The following TMEM132D variants were observed in gnomAD, a reference collection of about 807,000 sequenced individuals.
TMEM132D encodes mature OL transmembrane protein.
Under a neutral mutation model 62.3 loss-of-function variants are expected in TMEM132D, and 21 were observed. The observed-to-expected ratio is 0.34, with a 90% CI of 0.24 to 0.49. The LOEUF is 0.49. TMEM132D is among the 20% of genes least tolerant of loss of function. The pLI is 0.99. For missense variants in TMEM132D, 1,346 were observed against 1,402.8 expected, an observed-to-expected ratio of 0.96 and a Z score of 0.65; for synonymous variants, 621 against 575.6, an observed-to-expected ratio of 1.08 and a Z score of -1.13.
chr12:129,150,785 C>A lies in TMEM132D; in HGVS notation c.1443+58735G>T, dbSNP rs143322468. ...CTTTCGTTCAGTGTCCCAGAGCCTT[C>A]CCTGCTTCTCTTCTCACTGTCCCCG... On this transcript the variant is annotated intron_variant, in intron 5 of 8. Transcript: ENST00000422113. Among the ~76,000 whole-genome samples, 465 of 152,376 alleles carry A rather than the reference C, an allele frequency of 3.1e-3. 4 individuals are homozygous for A. Among genetic ancestry groups the A allele is most frequent in the African/African-American group, 0.011 (448 of 41,590 alleles).
At chr12:129,295,738 T>C (rs150875786) in intron 4 of TMEM132D, among the ~76,000 whole-genome samples, 2 of 152,310 alleles carry the variant, frequency 1.3e-5, no homozygotes, top group Middle Eastern at 3.4e-3. Flanking sequence ...CAAGTTCTTA[T>C]ACAAAAGTCT....
At chr12:129,298,034 G>C (rs1881619228) in intron 4 of TMEM132D, among the ~76,000 whole-genome samples, 3 of 152,106 alleles carry the variant, frequency 2.0e-5, no homozygotes, top group African/African-American at 7.2e-5. Context: ...GGGAGACATG[G>C]AAACATTTGA....
intron 2 of TMEM132D, among the ~76,000 whole-genome samples, chr12:129,589,210 T>C (rs1234015878): frequency 6.6e-6 from 1 of 152,116 alleles, no homozygotes; most frequent in Non-Finnish European, 1.5e-5. Context: ...CCCATACTGT[T>C]CTCATTGTAG....
chr12:129,105,419 G>A (rs1875462215), intron 5 of TMEM132D, among the ~76,000 whole-genome samples: 3 of 135,668 alleles, frequency 2.2e-5, no homozygotes, highest in Admixed American at 2.2e-4. Flanking sequence ...GGGAGGGATA[G>A]CATTGGGAGA....
chr12:129,551,261 G>C (rs1419183911), intron 2 of TMEM132D, among the ~76,000 whole-genome samples: 2 of 152,226 alleles, frequency 1.3e-5, no homozygotes, highest in African/African-American at 4.8e-5. Context: ...AGAAAATGGT[G>C]GTTGTTTAGA....
chr12:129,703,183 C>T (rs1272794959), intron 1 of TMEM132D, among the ~76,000 whole-genome samples: 1 of 152,208 alleles, frequency 6.6e-6, no homozygotes, highest in East Asian at 1.9e-4. Flanking sequence ...GACACCAAGG[C>T]TCCGTGAACT....
chr12:129,675,193 C>T (rs548236855), intron 2 of TMEM132D, among the ~76,000 whole-genome samples: 84 of 152,192 alleles, frequency 5.5e-4, no homozygotes, highest in Non-Finnish European at 1.1e-3. Context: ...ATTACTGCAG[C>T]CATAAAAAAA....
intron 4 of TMEM132D, among the ~76,000 whole-genome samples, chr12:129,215,728 C>T (rs1879181919): frequency 6.6e-6 from 1 of 151,998 alleles, no homozygotes. Flanking sequence ...GCTGATATAC[C>T]CAAGACTGGG....
chr12:129,485,574 G>A (rs887303261), intron 3 of TMEM132D, among the ~76,000 whole-genome samples: 13 of 152,208 alleles, frequency 8.5e-5, no homozygotes, highest in Non-Finnish European at 2.9e-5. Flanking sequence ...CCCACCTGAG[G>A]ATGAGGCAGG....
chr12:129,075,184 G>T, intron 8 of TMEM132D, 125 bp from the exon 9 acceptor site: 1 of 760,768 alleles, frequency 1.3e-6, no homozygotes, highest in Non-Finnish European at 2.1e-6. Flanking sequence ...CTTTCAAACA[G>T]TGTAGAAATA....
At chr12:129,654,371 T>C (rs1195883804) in intron 2 of TMEM132D, among the ~76,000 whole-genome samples, 1 of 141,652 alleles carries the variant, frequency 7.1e-6, no homozygotes, top group Non-Finnish European at 1.6e-5. Flanking sequence ...TAAGAAACTT[T>C]GGTACAGGTG....
intron 1 of TMEM132D, among the ~76,000 whole-genome samples, chr12:129,831,883 T>A (rs1039618748): frequency 2.7e-5 from 4 of 150,128 alleles, no homozygotes; most frequent in African/African-American, 9.8e-5. Flanking sequence ...TTTCTTTTTT[T>A]TTTTTGAGAC....
At chr12:129,466,857 G>A (rs1320297995) in intron 3 of TMEM132D, among the ~76,000 whole-genome samples, 2 of 152,058 alleles carry the variant, frequency 1.3e-5, no homozygotes, top group South Asian at 2.1e-4. Flanking sequence ...CAGCTTCAAC[G>A]TCACCATCTC....
chr12:129,863,441 T>C (rs1237264729), intron 1 of TMEM132D, among the ~76,000 whole-genome samples: 1 of 152,252 alleles, frequency 6.6e-6, no homozygotes, highest in Non-Finnish European at 1.5e-5. Context: ...TTAAGTTCAC[T>C]GTTGGTCAGC....
intron 2 of TMEM132D, among the ~76,000 whole-genome samples, chr12:129,644,329 A>T (rs1455369791): frequency 6.6e-6 from 1 of 152,146 alleles, no homozygotes; most frequent in Admixed American, 6.5e-5. Flanking sequence ...ATTCTTAGAG[A>T]ATCTTCGCTT....
At chr12:129,644,984 TA>T (rs749612311) in intron 2 of TMEM132D, among the ~76,000 whole-genome samples, 2,216 of 63,382 alleles carry the variant, frequency 0.035, 60 homozygotes, top group African/African-American at 0.12. Flanking sequence ...ATAGTCCATC[TA>T]AAAAAAAAAA....
intron 4 of TMEM132D, among the ~76,000 whole-genome samples, chr12:129,320,143 G>C (rs867933512): frequency 6.6e-6 from 1 of 152,146 alleles, no homozygotes; most frequent in East Asian, 1.9e-4. Flanking sequence ...AATCAAAATA[G>C]GGTGCTGAAA....
chr12:129,684,935 G>C (rs939422245), intron 2 of TMEM132D, among the ~76,000 whole-genome samples: 1 of 152,020 alleles, frequency 6.6e-6, no homozygotes, highest in Admixed American at 6.6e-5. Flanking sequence ...AATGATTTAG[G>C]GTATCTGGAA....
chr12:129,871,000 G>T (rs995646245), intron 1 of TMEM132D, among the ~76,000 whole-genome samples: 1 of 152,086 alleles, frequency 6.6e-6, no homozygotes, highest in African/African-American at 2.4e-5. Context: ...GACACAGACA[G>T]CAGGCAGAGT....
Sources: gnomAD v4.1 joint callset for allele counts (sites outside exome capture counted in the v4.1 genomes callset) on GRCh38, gnomAD v4.1.1 for gene constraint, MANE v1.5 for transcripts, NCBI Gene and HGNC (gene_info 2026-07-23, HGNC 2026-07-21) for gene names.